RANBP2: variants seen among roughly 807,000 people sequenced by gnomAD.
The protein encoded by RANBP2 is RAN binding protein 2.
In RANBP2, 57 loss-of-function variants were observed where a neutral mutation model predicts 303.6. The observed-to-expected ratio is 0.19, with a 90% CI of 0.15 to 0.23. RANBP2 has a LOEUF of 0.23. Ranked by LOEUF, RANBP2 falls within the 10% of genes least tolerant of loss-of-function variation. The pLI is 1.00. For missense variants in RANBP2, 3,138 were observed against 3,780.8 expected, an observed-to-expected ratio of 0.83 and a Z score of 4.46; for synonymous variants, 1,167 against 1,301.5, an observed-to-expected ratio of 0.90 and a Z score of 2.23.
At chr2:108,931,697 A>T in the RANBP2 span, among the ~76,000 whole-genome samples, 7 of 151,986 alleles carry the variant, frequency 4.6e-5, no homozygotes, top group African/African-American at 1.5e-4. Context: ...ACACGAATGC[A>T]TTCCCTTGAA....
chr2:109,267,888 A>G, the RANBP2 span, among the ~76,000 whole-genome samples: 1 of 150,642 alleles, frequency 6.6e-6, no homozygotes, highest in African/African-American at 2.4e-5. Context: ...GAGGGGAGAA[A>G]GGAGCTGCTG....
chr2:109,352,476 CA>C, the RANBP2 span, among the ~76,000 whole-genome samples: 1 of 152,226 alleles, frequency 6.6e-6, no homozygotes, highest in African/African-American at 2.4e-5. Flanking sequence ...GGCAAGCTTC[CA>C]AATTTGCAGT....
chr2:109,327,466 T>C, the RANBP2 span, among the ~76,000 whole-genome samples: 3 of 151,838 alleles, frequency 2.0e-5, no homozygotes, highest in African/African-American at 7.3e-5. Flanking sequence ...CTTTCACTCT[T>C]CCACATACAT....
the RANBP2 span, among the ~76,000 whole-genome samples, chr2:108,849,403 C>T: frequency 6.6e-6 from 1 of 152,140 alleles, no homozygotes; most frequent in East Asian, 1.9e-4. Context: ...TTTCCTTAGC[C>T]TCCTCTAGAT....
At chr2:109,527,620 C>T in the RANBP2 span, among the ~76,000 whole-genome samples, 1 of 152,046 alleles carries the variant, frequency 6.6e-6, no homozygotes, top group African/African-American at 2.4e-5. Context: ...TGTGAATTTT[C>T]TAGGGTAGAT....
At chr2:109,590,164 T>C in the RANBP2 span, among the ~76,000 whole-genome samples, 5 of 151,500 alleles carry the variant, frequency 3.3e-5, no homozygotes, top group Admixed American at 2.6e-4. Flanking sequence ...TGACAGACTA[T>C]TGAGAGTGGT....
At chr2:108,870,888 G>A in the RANBP2 span, among the ~76,000 whole-genome samples, 1 of 152,136 alleles carries the variant, frequency 6.6e-6, no homozygotes, top group Non-Finnish European at 1.5e-5. Flanking sequence ...CTCTGGAGAT[G>A]GATGGTTGCA....
At chr2:109,590,357 G>A in the RANBP2 span, among the ~76,000 whole-genome samples, 1 of 151,988 alleles carries the variant, frequency 6.6e-6, no homozygotes, top group African/African-American at 2.4e-5. Flanking sequence ...GAGTGATTAA[G>A]GTCCCAAACC....
At chr2:109,421,849 A>G in the RANBP2 span, among the ~76,000 whole-genome samples, 3 of 152,336 alleles carry the variant, frequency 2.0e-5, no homozygotes, top group East Asian at 1.9e-4. Flanking sequence ...GGTCCGTTCC[A>G]TGTGTGTTCA....
the RANBP2 span, among the ~76,000 whole-genome samples, chr2:109,142,100 C>G: frequency 2.6e-5 from 4 of 152,000 alleles, no homozygotes; most frequent in East Asian, 7.8e-4. Flanking sequence ...TGGCCTGTCC[C>G]CTGGGCCCCA....
At chr2:108,832,244 C>T in the RANBP2 span, among the ~76,000 whole-genome samples, 1 of 151,748 alleles carries the variant, frequency 6.6e-6, no homozygotes, top group Non-Finnish European at 1.5e-5. Context: ...CCTGGCTGGT[C>T]TCAAACTCCT....
At chr2:109,729,653 T>TAAAAAC in the RANBP2 span, among the ~76,000 whole-genome samples, 4 of 151,766 alleles carry the variant, frequency 2.6e-5, no homozygotes, top group East Asian at 1.9e-4. Context: ...CTGTCTCAAT[T>TAAAAAC]AAAAACAAAA....
chr2:109,002,724 GTTTT>G, the RANBP2 span, among the ~76,000 whole-genome samples: 2 of 152,268 alleles, frequency 1.3e-5, no homozygotes, highest in African/African-American at 4.8e-5. Context: ...GGTTTTGGGT[GTTTT>G]TGTTTGTTTG....
the RANBP2 span, among the ~76,000 whole-genome samples, chr2:109,091,408 T>C: frequency 1.3e-5 from 2 of 152,132 alleles, no homozygotes; most frequent in Non-Finnish European, 2.9e-5. Context: ...ATGGATTTTA[T>C]GTATTTTTCT....
chr2:108,723,702 A>G (rs10208753), intron 1 of RANBP2, among the ~76,000 whole-genome samples: 371 of 152,298 alleles, frequency 2.4e-3, no homozygotes, highest in African/African-American at 8.3e-3. Flanking sequence ...ACATTTATAT[A>G]AATATAAGGT....
At chr2:108,747,455 A>C (rs1397447385) in intron 8 of RANBP2, among the ~76,000 whole-genome samples, 3 of 152,212 alleles carry the variant, frequency 2.0e-5, no homozygotes, top group Non-Finnish European at 4.4e-5. Flanking sequence ...TATTAAATCA[A>C]AGTTATTATA....
chr2:108,731,642 T>G, intron 4 of RANBP2, 168 bp downstream of exon 4: 1 of 1,281,600 alleles, frequency 7.8e-7, no homozygotes. Context: ...TACTGTCTTA[T>G]TAGGCATTGT....
the RANBP2 span, among the ~76,000 whole-genome samples, chr2:109,707,634 G>A: frequency 1.3e-5 from 2 of 152,294 alleles, no homozygotes; most frequent in Middle Eastern, 3.4e-3. Context: ...AGGGAGAACA[G>A]GGCCCAGCAG....
chr2:108,978,222 T>A, the RANBP2 span, among the ~76,000 whole-genome samples: 1 of 152,168 alleles, frequency 6.6e-6, no homozygotes, highest in African/African-American at 2.4e-5. Flanking sequence ...TAGGAACTCA[T>A]CATTGGTCTA....
Sources: gnomAD v4.1 joint callset for allele counts (sites outside exome capture counted in the v4.1 genomes callset) on GRCh38, gnomAD v4.1.1 for gene constraint, MANE v1.5 for transcripts, NCBI Gene and HGNC (gene_info 2026-07-23, HGNC 2026-07-21) for gene names.